KCNQ3: variants seen among roughly 807,000 people sequenced by gnomAD.
The protein encoded by KCNQ3 is potassium voltage-gated channel subfamily Q member 3, also known as potassium voltage-gated channel subfamily KQT member 3.
Under a neutral mutation model 92.5 loss-of-function variants are expected in KCNQ3, and 30 were observed. The ratio of observed to expected loss-of-function variants is 0.32; its 90% CI spans 0.24 to 0.44. KCNQ3 has a LOEUF of 0.44. Among genes scored for constraint, KCNQ3 ranks in the 20% least tolerant of loss-of-function variants. The pLI is 1.00. For missense variants in KCNQ3, 913 were observed against 1,140.3 expected, an observed-to-expected ratio of 0.80 and a Z score of 2.87; for synonymous variants, 450 against 468.8, an observed-to-expected ratio of 0.96 and a Z score of 0.52.
At chr8:132,263,179 G>A (rs1486308887) in intron 1 of KCNQ3, among the ~76,000 whole-genome samples, 11 of 152,144 alleles carry the variant, frequency 7.2e-5, no homozygotes, top group South Asian at 2.1e-4. Context: ...TGGTAACCTC[G>A]TGTCTGATTG....
At chr8:132,403,734 G>A (rs1347758809) in intron 1 of KCNQ3, among the ~76,000 whole-genome samples, 8 of 152,222 alleles carry the variant, frequency 5.3e-5, no homozygotes, top group East Asian at 1.9e-4. Flanking sequence ...ACACAGCCCC[G>A]GGCCTCTGGT....
In KCNQ3 at chr8:132,137,734, T is replaced by C. The variant is rs932544246; in HGVS notation, c.1700+151A>G. On this transcript the variant is annotated intron_variant, in intron 12 of 14. Transcript: ENST00000388996. ...ACAGTCTGTCCGATCTGGTGCTTTGTTGGCCTAGACATCCACAAGGCTTCG... is the reference window on the plus strand; with the variant it reads ...ACAGTCTGTCCGATCTGGTGCTTTGCTGGCCTAGACATCCACAAGGCTTCG... 1.8e-5 allele frequency: 17 copies of C among 963,360 alleles called. No individual in the cohort carries two copies. In the Admixed American group the frequency reaches 3.0e-4, roughly 17 times the overall value. 59.7% of individuals were successfully genotyped at this position (963,360 alleles called of 1,614,324 possible).
At chr8:132,429,859 C>T (rs1821204313) in intron 1 of KCNQ3, among the ~76,000 whole-genome samples, 1 of 117,772 alleles carries the variant, frequency 8.5e-6, no homozygotes, top group South Asian at 2.8e-4. Flanking sequence ...GAAACTCCTT[C>T]TCAAAAAAAA....
At chr8:132,427,508 C>CCAGG (rs1821141443) in intron 1 of KCNQ3, among the ~76,000 whole-genome samples, 1 of 152,168 alleles carries the variant, frequency 6.6e-6, no homozygotes, top group African/African-American at 2.4e-5. Flanking sequence ...CTGATAAACA[C>CCAGG]TTAAAATCCT....
intron 1 of KCNQ3, among the ~76,000 whole-genome samples, chr8:132,477,111 C>T (rs1365532766): frequency 1.3e-5 from 2 of 152,102 alleles, no homozygotes; most frequent in Non-Finnish European, 2.9e-5. Flanking sequence ...TTGTAAGTTT[C>T]CTGAGACCAC....
At chr8:132,410,507 G>A (rs1254059814) in intron 1 of KCNQ3, among the ~76,000 whole-genome samples, 1 of 152,236 alleles carries the variant, frequency 6.6e-6, no homozygotes, top group African/African-American at 2.4e-5. Context: ...ATTATGAGTG[G>A]CTCATGAGCG....
intron 1 of KCNQ3, among the ~76,000 whole-genome samples, chr8:132,329,423 C>T (rs752287489): frequency 6.6e-6 from 1 of 152,198 alleles, no homozygotes; most frequent in Non-Finnish European, 1.5e-5. Flanking sequence ...ATTTCTAATT[C>T]TGTATATATA....
At position 132,403,380 on chromosome 8, in the gene KCNQ3, T is replaced by C. The variant is rs79305538; in HGVS notation, c.386+76767A>G. Among the ~76,000 whole-genome samples the C allele has an allele frequency of 8.4e-4, 128 of 152,264 alleles. 3 individuals carry two copies. The East Asian group carries it at 0.023, about 28-fold the overall frequency. On this transcript the variant is annotated intron_variant, in intron 1 of 14. Transcript: ENST00000388996. ...CACTCCCTCAGCAGCCCAAGCCTTC[T>C]GTGCACAGACCTGCAGCCCATTCCC...
intron 1 of KCNQ3, among the ~76,000 whole-genome samples, chr8:132,351,935 C>A (rs561631597): frequency 6.6e-6 from 1 of 152,166 alleles, no homozygotes; most frequent in African/African-American, 2.4e-5. Flanking sequence ...GGGGTGACTT[C>A]AAATTACCCC....
At chr8:132,180,585 C>T (rs1826726503) in intron 3 of KCNQ3, among the ~76,000 whole-genome samples, 1 of 152,142 alleles carries the variant, frequency 6.6e-6, no homozygotes, top group African/African-American at 2.4e-5. Context: ...ATAGGCCTAC[C>T]ACACTTTAAT....
intron 1 of KCNQ3, among the ~76,000 whole-genome samples, chr8:132,462,109 C>T (rs1412837387): frequency 6.6e-6 from 1 of 152,106 alleles, no homozygotes; most frequent in African/African-American, 2.4e-5. Flanking sequence ...AAGTGTAAAC[C>T]ATAAAAATCA....
intron 1 of KCNQ3, among the ~76,000 whole-genome samples, chr8:132,422,528 GCCTT>G (rs892475583): frequency 6.6e-6 from 1 of 152,036 alleles, no homozygotes; most frequent in African/African-American, 2.4e-5. Context: ...AGCTCCTCTG[GCCTT>G]CCTTTAGTTC....
intron 1 of KCNQ3, among the ~76,000 whole-genome samples, chr8:132,357,150 C>G (rs1444047239): frequency 6.6e-6 from 1 of 152,106 alleles, no homozygotes; most frequent in African/African-American, 2.4e-5. Context: ...TGCTACTCAC[C>G]CAGTCAGACC....
intron 1 of KCNQ3, chr8:132,447,279 G>C: frequency 6.5e-7 from 1 of 1,533,616 alleles, no homozygotes; most frequent in Non-Finnish European, 8.7e-7. Flanking sequence ...AACACAGCTA[G>C]AAATAACCCT....
chr8:132,249,310 G>A (rs912240914), intron 1 of KCNQ3, among the ~76,000 whole-genome samples: 4 of 152,164 alleles, frequency 2.6e-5, no homozygotes, highest in African/African-American at 4.8e-5. Flanking sequence ...AGAGCTGATT[G>A]GTCTGTTTTA....
intron 1 of KCNQ3, among the ~76,000 whole-genome samples, chr8:132,199,141 G>A (rs1035386129): frequency 2.8e-4 from 42 of 152,070 alleles, no homozygotes; most frequent in Admixed American, 2.8e-3. Context: ...ATGGAAAGCT[G>A]TTTTAAATAC....
intron 1 of KCNQ3, among the ~76,000 whole-genome samples, chr8:132,364,067 C>G (rs770202961): frequency 2.0e-5 from 3 of 151,982 alleles, no homozygotes; most frequent in Non-Finnish European, 2.9e-5. Context: ...AAAATATTGT[C>G]CCCAAATGCC....
intron 14 of KCNQ3, among the ~76,000 whole-genome samples, chr8:132,131,284 T>A (rs1824868388): frequency 6.6e-6 from 1 of 152,216 alleles, no homozygotes; most frequent in Admixed American, 6.5e-5. Flanking sequence ...ATTACTATGA[T>A]CCTTGAAAAA....
rs1404170411 is a variant in KCNQ3 at position 132,447,368 on chromosome 8, G to C, written c.386+32779C>G. 13 of 848,294 alleles carry C rather than the reference G, an allele frequency of 1.5e-5. No homozygotes were observed. The Admixed American group carries it at 2.7e-4, about 17-fold the overall frequency. 52.5% of individuals were successfully genotyped at this position (848,294 alleles called of 1,614,324 possible). A position where few individuals can be genotyped will look rare whatever the true frequency, so the allele number is the denominator to read the frequency against. ...CACAGGCAGACAGTAAAGGTTTCTA[G>C]GACACAGATGTGGAGAAGACACTGC... On this transcript the variant is annotated intron_variant, in intron 1 of 14. Transcript: ENST00000388996.
Sources: gnomAD v4.1 joint callset for allele counts (sites outside exome capture counted in the v4.1 genomes callset) on GRCh38, gnomAD v4.1.1 for gene constraint, MANE v1.5 for transcripts, NCBI Gene and HGNC (gene_info 2026-07-23, HGNC 2026-07-21) for gene names.